The following MTMR1 variants were observed in gnomAD, a reference collection of about 807,000 sequenced individuals.
The protein encoded by MTMR1 is phosphatidylinositol-3-phosphate phosphatase MTMR1.
MTMR1 carries 17 observed loss-of-function variants against 51.6 expected under a neutral mutation model. The ratio of observed to expected loss-of-function variants is 0.33; its 90% CI spans 0.23 to 0.49. The LOEUF (loss-of-function observed/expected upper bound fraction) is 0.49. Ranked by LOEUF, MTMR1 falls within the 20% of genes least tolerant of loss-of-function variation. The pLI, the probability that MTMR1 is intolerant of heterozygous loss-of-function variation, is 0.99. For synonymous variants in MTMR1, 201 were observed against 205.6 expected (o/e 0.98, Z 0.19); for missense variants, 386 against 526.9 (o/e 0.73, Z 2.62).
In MTMR1 at chrX:150,759,966, T is replaced by C. The variant is rs188607293; in HGVS notation, c.1858-2599T>C. Among the ~76,000 whole-genome samples the C allele has an allele frequency of 2.6e-4, 28 of 109,533 alleles. No individual in the cohort carries two copies. In the East Asian group the frequency reaches 6.8e-3, roughly 26 times the overall value. On this transcript the variant is annotated intron_variant, in intron 15 of 15. Coordinates refer to ENST00000445323, the MANE Select transcript of MTMR1 (RefSeq NM_001306144.3). ...GCCAGATCCCGTCTCTGGCAGTGAC[T>C]CACCGCCTGATCTGCAGCAGGGTCC...
At chrX:150,696,728 A>G (rs1292229948) in intron 1 of MTMR1, among the ~76,000 whole-genome samples, 1 of 58,356 alleles carries the variant, frequency 1.7e-5, no homozygotes, top group African/African-American at 7.0e-5. Context: ...TCTCTCTTTT[A>G]TTTTCCCTCA....
intron 13 of MTMR1, among the ~76,000 whole-genome samples, chrX:150,744,771 G>C (rs1291532718): frequency 8.9e-6 from 1 of 111,867 alleles, no homozygotes; most frequent in Non-Finnish European, 1.9e-5. Context: ...CTCCTGCTGA[G>C]CAGTTCATCT....
chrX:150,756,837 G>C (rs1369366141), intron 15 of MTMR1, among the ~76,000 whole-genome samples: 1 of 110,610 alleles, frequency 9.0e-6, no homozygotes, highest in Non-Finnish European at 1.9e-5. Flanking sequence ...TTTTAGTAGA[G>C]ACGGGATTTC....
chrX:150,694,254 T>A (rs1202448706), intron 1 of MTMR1, among the ~76,000 whole-genome samples: 1 of 111,866 alleles, frequency 8.9e-6, no homozygotes. Context: ...CAGAACCATT[T>A]ACTTTCAGTT....
chrX:150,708,040 C>T (rs1474484202), intron 2 of MTMR1, among the ~76,000 whole-genome samples: 1 of 111,872 alleles, frequency 8.9e-6, no homozygotes, highest in African/African-American at 3.3e-5. Context: ...GAAATAAAGA[C>T]AGATGAGTGG....
At chrX:150,733,078 T>C (rs1052170257) in intron 10 of MTMR1, among the ~76,000 whole-genome samples, 5 of 112,681 alleles carry the variant, frequency 4.4e-5, no homozygotes, top group Non-Finnish European at 9.4e-5. Flanking sequence ...GATTAATTCA[T>C]GTCTGGTCTG....
intron 4 of MTMR1, among the ~76,000 whole-genome samples, chrX:150,726,232 T>A (rs2041922741): frequency 9.0e-6 from 1 of 111,631 alleles, no homozygotes; most frequent in African/African-American, 3.3e-5. Flanking sequence ...GTATGTTCCT[T>A]ATGAGGGTCT....
chrX:150,693,582 C>G lies in MTMR1; in HGVS notation c.52C>G (p.Pro18Ala), dbSNP rs1275608657. The change falls in exon 1 of 16, where the codon CCG (proline) becomes GCG (alanine). Residue 18 changes from proline to alanine, a missense_variant. Transcript: ENST00000445323. ...GGCGGGCTGCGAGGGCGGCGGGGGC[C>G]CGAACCCGGGGCCGGCGGGCGGCAG... ...AAAGCEGGGGPNPGPAGGRRP... is the reference protein window; with the variant it reads ...AAAGCEGGGGANPGPAGGRRP... 4.1e-5 allele frequency: 31 copies of G among 759,120 alleles called. No individual in the cohort carries two copies. In the African/African-American group the frequency reaches 5.3e-4, roughly 13 times the overall value. The allele number at this position is 759,120 out of a possible 1,213,427, so 62.6% of individuals were successfully genotyped here.
At chrX:150,721,907 C>A (rs1461692832) in intron 4 of MTMR1, among the ~76,000 whole-genome samples, 7 of 111,615 alleles carry the variant, frequency 6.3e-5, no homozygotes, top group African/African-American at 2.3e-4. Context: ...CCTCCCACTG[C>A]TACTTTAGCA....
At chrX:150,738,679 G>T (rs1557417242) in intron 12 of MTMR1, among the ~76,000 whole-genome samples, 1 of 111,115 alleles carries the variant, frequency 9.0e-6, no homozygotes. Context: ...GTGGCCAAAT[G>T]TCCTCATCTC....
intron 3 of MTMR1, among the ~76,000 whole-genome samples, chrX:150,717,378 AAAAAGG>A (rs1183025315): frequency 2.8e-5 from 3 of 107,671 alleles, no homozygotes; most frequent in Non-Finnish European, 3.8e-5. Flanking sequence ...AAAAAAAAAA[AAAAAGG>A]AGAAGAAAAA....
At chrX:150,730,066 C>A in intron 6 of MTMR1, 43 bp from the exon 7 acceptor site, 3 of 916,579 alleles carry the variant, frequency 3.3e-6, no homozygotes, top group Non-Finnish European at 1.5e-6. Flanking sequence ...TTATAGGTGC[C>A]TGATGTATGT....
chrX:150,730,307 T>C, intron 7 of MTMR1, 97 bp downstream of exon 7: 1 of 612,286 alleles, frequency 1.6e-6, no homozygotes, highest in Non-Finnish European at 2.4e-6. Flanking sequence ...TTTTTTTTCC[T>C]CTCTTTTTTC....
intron 2 of MTMR1, among the ~76,000 whole-genome samples, chrX:150,711,350 G>A (rs1008242824): frequency 8.0e-5 from 9 of 112,010 alleles, no homozygotes; most frequent in Middle Eastern, 4.6e-3. Flanking sequence ...TGTATCATGC[G>A]ATCTTATGCA....
chrX:150,762,401 G>A (rs2148689714), intron 15 of MTMR1, among the ~76,000 whole-genome samples, 164 bp from the exon 16 acceptor site: 1 of 112,268 alleles, frequency 8.9e-6, no homozygotes, highest in South Asian at 3.7e-4. Flanking sequence ...ATGGGATGGG[G>A]TCCCATTGTC....
At chrX:150,761,606 C>T (rs1265216514) in intron 15 of MTMR1, among the ~76,000 whole-genome samples, 1 of 112,798 alleles carries the variant, frequency 8.9e-6, no homozygotes, top group Non-Finnish European at 1.9e-5. Context: ...CTGGCTGAGG[C>T]TTAGGAGCCA....
At chrX:150,712,450 T>C (rs2041346259) in intron 3 of MTMR1, 85 bp downstream of exon 3, 2 of 901,623 alleles carry the variant, frequency 2.2e-6, no homozygotes, top group African/African-American at 4.0e-5. Flanking sequence ...TTAGTGTTCT[T>C]TACCTTCTCA....
chrX:150,754,893 C>T (rs781842122), intron 14 of MTMR1, among the ~76,000 whole-genome samples: 3 of 110,066 alleles, frequency 2.7e-5, no homozygotes, highest in Non-Finnish European at 1.9e-5. Flanking sequence ...GGCATGGTGG[C>T]GTGCGCCTGT....
chrX:150,759,862 G>A (rs1306820144), intron 15 of MTMR1, among the ~76,000 whole-genome samples: 1 of 109,483 alleles, frequency 9.1e-6, no homozygotes, highest in African/African-American at 3.3e-5. Flanking sequence ...AGAGAATGAG[G>A]GAAGGGTCAG....
Sources: allele counts gnomAD v4.1 joint callset (sites outside exome capture counted in the v4.1 genomes callset), GRCh38; gene constraint gnomAD v4.1.1; transcripts MANE v1.5; gene names NCBI Gene and HGNC (gene_info 2026-07-23, HGNC 2026-07-21).